GLP2R: variants seen among roughly 807,000 people sequenced by gnomAD.
The protein encoded by GLP2R is glucagon-like peptide 2 receptor.
A neutral mutation model predicts 68.2 loss-of-function variants in GLP2R; 59 were observed. That is an observed-to-expected ratio of 0.87 (90% CI 0.70 to 1.07). GLP2R has a LOEUF of 1.07. GLP2R is among the 50% of genes least tolerant of loss of function. The probability of loss-of-function intolerance (pLI) is 0.00; values close to 1 mark genes in which losing one functional copy is unlikely to be tolerated. For missense variants in GLP2R, 548 were observed against 677.4 expected, an observed-to-expected ratio of 0.81 and a Z score of 2.12; for synonymous variants, 270 against 265.4, an observed-to-expected ratio of 1.02 and a Z score of -0.17.
chr17:9,842,115 C>T (rs1597380664), intron 3 of GLP2R, among the ~76,000 whole-genome samples: 1 of 152,142 alleles, frequency 6.6e-6, no homozygotes, highest in African/African-American at 2.4e-5. Flanking sequence ...CTGTCAGCCA[C>T]GTGCCCACCA....
intron 1 of GLP2R, among the ~76,000 whole-genome samples, chr17:9,830,937 G>A (rs1430867665): frequency 6.6e-6 from 1 of 152,226 alleles, no homozygotes; most frequent in Non-Finnish European, 1.5e-5. Flanking sequence ...AGCTGTTAAG[G>A]CATAAATATT....
chr17:9,884,063 C>T (rs1361641419), intron 11 of GLP2R, among the ~76,000 whole-genome samples: 1 of 151,422 alleles, frequency 6.6e-6, no homozygotes. Flanking sequence ...ATATAAAGAT[C>T]TAATATATAT....
chr17:9,870,672 G>A, intron 9 of GLP2R, 75 bp from the exon 10 acceptor site: 1 of 774,706 alleles, frequency 1.3e-6, no homozygotes, highest in Non-Finnish European at 2.4e-6. Flanking sequence ...TGATGGCCGA[G>A]CCCAGCCTGA....
chr17:9,877,876 C>CAAAAA (rs11329707), intron 10 of GLP2R, among the ~76,000 whole-genome samples: 1 of 100,698 alleles, frequency 9.9e-6, no homozygotes. Flanking sequence ...GACTCCGTCT[C>CAAAAA]AAAAAAAAAA....
At chr17:9,828,497 G>A (rs55796361) in intron 1 of GLP2R, among the ~76,000 whole-genome samples, 25 of 152,098 alleles carry the variant, frequency 1.6e-4, no homozygotes, top group African/African-American at 4.6e-4. Context: ...CTGAGACAGC[G>A]CTCAGGATAT....
chr17:9,875,645 G>A (rs2067136285), intron 10 of GLP2R, among the ~76,000 whole-genome samples: 1 of 152,190 alleles, frequency 6.6e-6, no homozygotes, highest in Admixed American at 6.5e-5. Flanking sequence ...CTGGCTTGGA[G>A]AAAGAGAACT....
Position 9,866,641 on chromosome 17 carries a change from G to A in GLP2R, c.1057-4106G>A, listed in dbSNP as rs796116796. 1.3e-4 allele frequency: 20 copies of A among 152,316 alleles called. 1 individual carries two copies. Among genetic ancestry groups the A allele is most frequent in the African/African-American group, 4.8e-4 (20 of 41,556 alleles). The allele number at this position is 152,316 out of a possible 1,614,324, so 9.4% of individuals were successfully genotyped here. On this transcript the variant is annotated intron_variant, in intron 9 of 12. Transcript: ENST00000262441. ...TGGAATCTCATTCAGCCACTCTCTT[G>A]TATCTTCCTTTAGCATTCATTGAGC...
chr17:9,842,235 AT>A (rs1237250443), intron 3 of GLP2R, among the ~76,000 whole-genome samples: 1 of 152,194 alleles, frequency 6.6e-6, no homozygotes, highest in Non-Finnish European at 1.5e-5. Context: ...GGCTTATAAC[AT>A]CACTGAGTCA....
intron 3 of GLP2R, among the ~76,000 whole-genome samples, chr17:9,840,039 C>T (rs1312514291): frequency 2.7e-5 from 4 of 150,752 alleles, no homozygotes; most frequent in Admixed American, 1.3e-4. Flanking sequence ...TGGAGTGTGC[C>T]GATCTTGGCT....
chr17:9,879,024 T>G (rs2067165995), intron 10 of GLP2R, among the ~76,000 whole-genome samples: 1 of 152,050 alleles, frequency 6.6e-6, no homozygotes, highest in Admixed American at 6.6e-5. Flanking sequence ...TCATCTCTGC[T>G]AATGTAGTTA....
At chr17:9,864,944 T>C (rs79593970) in intron 9 of GLP2R, among the ~76,000 whole-genome samples, 31,466 of 152,144 alleles carry the variant, frequency 0.21, 4,276 homozygotes, top group Non-Finnish European at 0.31. Context: ...TGCTTCCTAG[T>C]TGGGACAAGA....
At chr17:9,831,418 T>C (rs1307754141) in intron 1 of GLP2R, among the ~76,000 whole-genome samples, 1 of 152,002 alleles carries the variant, frequency 6.6e-6, no homozygotes, top group African/African-American at 2.4e-5. Context: ...GGGAGGAAGA[T>C]GGATAAGTGG....
intron 6 of GLP2R, among the ~76,000 whole-genome samples, chr17:9,859,061 T>G (rs2066960003): frequency 6.6e-6 from 1 of 152,178 alleles, no homozygotes; most frequent in South Asian, 2.1e-4. Flanking sequence ...TTAAAATAAT[T>G]GATATTCAGC....
intron 11 of GLP2R, among the ~76,000 whole-genome samples, chr17:9,881,906 A>T (rs2067199565): frequency 6.6e-6 from 1 of 152,156 alleles, no homozygotes; most frequent in Non-Finnish European, 1.5e-5. Context: ...AAAATGAATC[A>T]TCTTTAAATG....
rs146420890 is a variant in GLP2R, at chr17:9,860,037, G to A, written c.861G>A (p.Thr287=). The stretch of plus-strand genomic sequence containing the variant: ...TGGTTGAAGGCCTCTACCTCCACAC[G>A]CTGCTGGAGCCCACAGTGCTTCCTG... ...WLLVEGLYLH[T]LLEPTVLPER... The change falls in exon 7 of 13, where the codon ACG becomes ACA. Residue 287 remains threonine, a synonymous_variant. Coordinates refer to ENST00000262441, the MANE Select transcript of GLP2R (RefSeq NM_004246.3). The A allele has an allele frequency of 6.9e-5, 112 of 1,613,466 alleles. No individual in the cohort carries two copies. The highest frequency in any genetic ancestry group is 4.9e-4 in the South Asian group (45 of 90,928).
chr17:9,854,733 G>A, intron 5 of GLP2R, 132 bp downstream of exon 5: 2 of 668,644 alleles, frequency 3.0e-6, no homozygotes, highest in Non-Finnish European at 5.4e-6. Context: ...TTCAAACCAG[G>A]GATAGAACCA....
chr17:9,877,047 C>T (rs528379072), intron 10 of GLP2R, among the ~76,000 whole-genome samples: 2 of 152,280 alleles, frequency 1.3e-5, no homozygotes, highest in Admixed American at 6.5e-5. Context: ...AATTTGCCCA[C>T]AGTCATAGCA....
intron 3 of GLP2R, among the ~76,000 whole-genome samples, chr17:9,841,351 C>T (rs1242398806): frequency 8.6e-5 from 13 of 151,926 alleles, no homozygotes; most frequent in African/African-American, 2.7e-4. Flanking sequence ...TTTTATTCAG[C>T]TTGCTCTGAC....
intron 10 of GLP2R, among the ~76,000 whole-genome samples, chr17:9,879,887 G>T (rs1384478010): frequency 1.3e-5 from 2 of 152,096 alleles, no homozygotes; most frequent in African/African-American, 4.8e-5. Flanking sequence ...TCCAGCCCGA[G>T]GTTTACTACT....
Sources: allele counts gnomAD v4.1 joint callset (sites outside exome capture counted in the v4.1 genomes callset), GRCh38; gene constraint gnomAD v4.1.1; transcripts MANE v1.5; gene names NCBI Gene and HGNC (gene_info 2026-07-23, HGNC 2026-07-21).